FAM204A: variants seen among roughly 807,000 people sequenced by gnomAD.
FAM204A encodes family with sequence similarity 204 member A.
FAM204A carries 16 observed loss-of-function variants against 35.4 expected under a neutral mutation model. The observed-to-expected ratio is 0.45, with a 90% CI of 0.31 to 0.69. The LOEUF is 0.69. FAM204A is among the 30% of genes least tolerant of loss of function. The pLI is 0.07. For synonymous variants in FAM204A, 76 were observed against 86.9 expected (o/e 0.88, Z 0.70); for missense variants, 240 against 265.7 (o/e 0.90, Z 0.67).
intron 7 of FAM204A, chr10:118,322,291 T>A (rs1355519742): frequency 2.2e-6 from 1 of 454,954 alleles, no homozygotes; most frequent in Non-Finnish European, 4.4e-6. Context: ...AGTGGAGAAA[T>A]CTGGAGACAC....
chr10:118,333,256 T>C (rs780682668), intron 6 of FAM204A, among the ~76,000 whole-genome samples: 5 of 152,138 alleles, frequency 3.3e-5, no homozygotes, highest in Non-Finnish European at 7.4e-5. Context: ...GTTGAGTGAA[T>C]ACAAAATAAA....
Position 118,298,713 on chromosome 10 carries a change from G to C in FAM204A, c.*12144C>G, listed in dbSNP as rs1035895272. The C allele has an allele frequency of 6.6e-6, 1 of 152,168 alleles. No homozygotes were observed. The highest frequency in any genetic ancestry group is 2.4e-5 in the African/African-American group (1 of 41,432). 9.4% of individuals were successfully genotyped at this position (152,168 alleles called of 1,614,324 possible). On this transcript the variant is annotated 3_prime_UTR_variant, in exon 9 of 9. Coordinates refer to ENST00000369183, the MANE Select transcript of FAM204A (RefSeq NM_022063.3). Reference sequence around the variant, plus strand: ...TCCACATTATTATTTTTGGCACTAGGAAACATGAGGACCAGTGATGAAATG... The same window carrying C: ...TCCACATTATTATTTTTGGCACTAGCAAACATGAGGACCAGTGATGAAATG...
chr10:118,322,272 T>C (rs891564242), intron 7 of FAM204A: 3 of 450,594 alleles, frequency 6.7e-6, no homozygotes, highest in Admixed American at 2.4e-5. Flanking sequence ...AAAGAAACAA[T>C]AACATCACAG....
At chr10:118,327,521 T>C (rs1439265726) in intron 6 of FAM204A, among the ~76,000 whole-genome samples, 1 of 152,206 alleles carries the variant, frequency 6.6e-6, no homozygotes, top group African/African-American at 2.4e-5. Flanking sequence ...CATACGGATC[T>C]AATGCTCACC....
chr10:118,304,149 G>A lies in FAM204A; in HGVS notation c.*6708C>T, dbSNP rs17097460. ...CCATTATCTTGCCTGACAGCTCAGC[G>A]GCATTTGTTCCTGTTGACATGCCAC... On this transcript the variant is annotated 3_prime_UTR_variant, in exon 9 of 9. Coordinates refer to ENST00000369183, the MANE Select transcript of FAM204A (RefSeq NM_022063.3). 0.13 allele frequency: 19,840 copies of A among 152,116 alleles called. 1,507 individuals are homozygous for A. The highest frequency in any genetic ancestry group is 0.21 in the Admixed American group (3,278 of 15,284). 9.4% of individuals were successfully genotyped at this position (152,116 alleles called of 1,614,324 possible).
At position 118,309,627 on chromosome 10, in the gene FAM204A, C is replaced by A. The variant is rs1435706996; in HGVS notation, c.*1230G>T. On this transcript the variant is annotated 3_prime_UTR_variant, in exon 9 of 9. Transcript: ENST00000369183. ...TTCTGGAGCCCCTTTCCTGTCAGAA[C>A]CAGGAAATGTACATCTAATGAAAAC... 2.0e-5 allele frequency: 3 copies of A among 152,106 alleles called. No homozygotes were observed. Among genetic ancestry groups the A allele is most frequent in the Non-Finnish European group, 4.4e-5 (3 of 68,042 alleles). 9.4% of individuals were successfully genotyped at this position (152,106 alleles called of 1,614,324 possible). A position where few individuals can be genotyped will look rare whatever the true frequency, so the allele number is the denominator to read the frequency against.
chr10:118,326,538 T>C (rs1475104604), intron 6 of FAM204A, among the ~76,000 whole-genome samples: 1 of 152,316 alleles, frequency 6.6e-6, no homozygotes, highest in Non-Finnish European at 1.5e-5. Context: ...ATGATAACAA[T>C]AGCTAAAAAT....
Position 118,306,816 on chromosome 10 carries a change from T to C in FAM204A, c.*4041A>G, listed in dbSNP as rs751591987. ...GGCCACATGCTGTCATGTCCTTTAC[T>C]GAAGGCAAGAATCCCTTCCCAGGAA... On this transcript the variant is annotated 3_prime_UTR_variant, in exon 9 of 9. Coordinates refer to ENST00000369183, the MANE Select transcript of FAM204A (RefSeq NM_022063.3). The C allele has an allele frequency of 1.3e-5, 2 of 152,242 alleles. No homozygotes were observed. The highest frequency in any genetic ancestry group is 2.9e-5 in the Non-Finnish European group (2 of 68,050). 9.4% of individuals were successfully genotyped at this position (152,242 alleles called of 1,614,324 possible).
intron 2 of FAM204A, among the ~76,000 whole-genome samples, chr10:118,341,318 A>C (rs1846478061): frequency 1.3e-5 from 2 of 152,332 alleles, no homozygotes; most frequent in East Asian, 1.9e-4. Flanking sequence ...GTCTGATCTA[A>C]AATTAATTTC....
intron 7 of FAM204A, among the ~76,000 whole-genome samples, chr10:118,313,264 T>C (rs1729056365): frequency 6.6e-6 from 1 of 152,216 alleles, no homozygotes; most frequent in African/African-American, 2.4e-5. Context: ...TGTCTCATTT[T>C]AAGTCCCTGT....
At chr10:118,320,967 A>G (rs1337231889) in intron 7 of FAM204A, among the ~76,000 whole-genome samples, 1 of 150,354 alleles carries the variant, frequency 6.7e-6, no homozygotes, top group African/African-American at 2.5e-5. Context: ...TTTTGGCTTC[A>G]TTTTTCTCAA....
chr10:118,313,649 T>C (rs998250395), intron 7 of FAM204A, among the ~76,000 whole-genome samples: 4 of 152,162 alleles, frequency 2.6e-5, no homozygotes, highest in Admixed American at 2.0e-4. Context: ...GAAAAATCTA[T>C]ATTTTTTCCA....
At chr10:118,332,556 G>T (rs973384927) in intron 6 of FAM204A, among the ~76,000 whole-genome samples, 14 of 120,038 alleles carry the variant, frequency 1.2e-4, no homozygotes, top group Non-Finnish European at 2.4e-4. Context: ...ACATCCCTAT[G>T]CCCCTCCCTC....
intron 7 of FAM204A, among the ~76,000 whole-genome samples, chr10:118,313,766 GA>G (rs1424795192): frequency 1.3e-5 from 2 of 152,114 alleles, no homozygotes; most frequent in Admixed American, 1.3e-4. Context: ...TATACTGTAA[GA>G]AACAAAAATG....
At chr10:118,311,751 T>C (rs902785702) in intron 7 of FAM204A, among the ~76,000 whole-genome samples, 4 of 152,196 alleles carry the variant, frequency 2.6e-5, no homozygotes, top group Middle Eastern at 3.2e-3. Context: ...GAAGCTCTGA[T>C]TGGCAGTCAC....
At chr10:118,311,525 C>T (rs1430376585) in intron 7 of FAM204A, 2 of 444,396 alleles carry the variant, frequency 4.5e-6, no homozygotes, top group African/African-American at 2.0e-5. Context: ...CTAGTTATAC[C>T]AGTCTCCTGG....
At position 118,310,488 on chromosome 10, in the gene FAM204A, C is replaced by CA. The variant is rs778043354; in HGVS notation, c.*368dup. 0.034 allele frequency: 2,712 copies of CA among 80,782 alleles called. 10 individuals carry two copies. Among genetic ancestry groups the CA allele is most frequent in the African/African-American group, 0.047 (834 of 17,704 alleles). The allele number at this position is 80,782 out of a possible 1,614,324, so 5.0% of individuals were successfully genotyped here. On this transcript the variant is annotated 3_prime_UTR_variant, in exon 9 of 9. Transcript: ENST00000369183. ...TGACAGAGCAAGCGAGGCTCTGTCT[C>CA]AAAAAAAAAAAAAAAAAGAAAGAAA... is the stretch of plus-strand genomic sequence containing the variant.
chr10:118,310,946 A>C, intron 8 of FAM204A, 38 bp from the exon 9 acceptor site: 4 of 736,324 alleles, frequency 5.4e-6, no homozygotes, highest in Non-Finnish European at 7.5e-6. Context: ...TTTATTTCTT[A>C]AAAAAAAAAA....
chr10:118,308,038 CAT>C lies in FAM204A; in HGVS notation c.*2817_*2818del, dbSNP rs755547758. ...TTCAATCTCTCCTTTCGGTGAAAGA[CAT>C]AGAATGTTCTGCTGAAAATCAGAAA... On this transcript the variant is annotated 3_prime_UTR_variant, in exon 9 of 9. Coordinates refer to ENST00000369183, the MANE Select transcript of FAM204A (RefSeq NM_022063.3). 36 of 152,194 alleles carry C rather than the reference CAT, an allele frequency of 2.4e-4. No individual in the cohort carries two copies. The highest frequency in any genetic ancestry group is 4.9e-4 in the Non-Finnish European group (33 of 68,030). 9.4% of individuals were successfully genotyped at this position (152,194 alleles called of 1,614,324 possible).
Sources: gnomAD v4.1 joint callset for allele counts (sites outside exome capture counted in the v4.1 genomes callset) on GRCh38, gnomAD v4.1.1 for gene constraint, MANE v1.5 for transcripts, NCBI Gene and HGNC (gene_info 2026-07-23, HGNC 2026-07-21) for gene names.